Variants in CHN2 observed in about 807,000 individuals in gnomAD.
CHN2 encodes the protein chimerin 2, also known as beta-chimaerin.
In CHN2, 35 loss-of-function variants were observed where a neutral mutation model predicts 56.3. That is an observed-to-expected ratio of 0.62 (90% CI 0.47 to 0.82). CHN2 has a LOEUF of 0.82. Among genes scored for constraint, CHN2 ranks in the 40% least tolerant of loss-of-function variants. The pLI is 0.00. For missense variants in CHN2, 491 were observed against 580.5 expected (o/e 0.85, Z 1.58); for synonymous variants, 210 against 212.8 (o/e 0.99, Z 0.12).
At chr7:29,227,192 C>G (rs948300941) in intron 1 of CHN2, among the ~76,000 whole-genome samples, 9 of 152,336 alleles carry the variant, frequency 5.9e-5, no homozygotes, top group Admixed American at 4.6e-4. Flanking sequence ...GTGCACCCCG[C>G]TGGCAGCAGG....
chr7:29,507,773 C>G (rs1790756693), intron 11 of CHN2, among the ~76,000 whole-genome samples: 1 of 152,142 alleles, frequency 6.6e-6, no homozygotes, highest in Non-Finnish European at 1.5e-5. Flanking sequence ...ATAAAATATA[C>G]TAACATTAAT....
intron 1 of CHN2, among the ~76,000 whole-genome samples, chr7:29,274,140 C>G (rs76349260): frequency 0.019 from 2,942 of 152,254 alleles, 37 homozygotes; most frequent in Middle Eastern, 0.031. Context: ...TACGAACATT[C>G]GGGAAAGCAT....
At position 29,194,800 on chromosome 7, in the gene CHN2, T is replaced by C. The variant is rs1332901496; in HGVS notation, c.-142T>C. On this transcript the variant is annotated 5_prime_UTR_variant, in exon 1 of 13. Transcript: ENST00000222792. ...GGTGGAGCAGGAAGTGCAGGCAGAGTCCGGAGGCTGGTGCTTTCTGCGCGT... is the reference window on the plus strand; with the variant it reads ...GGTGGAGCAGGAAGTGCAGGCAGAGCCCGGAGGCTGGTGCTTTCTGCGCGT... 6 of 622,846 alleles carry C rather than the reference T, an allele frequency of 9.6e-6. No homozygotes were observed. The highest frequency in any genetic ancestry group is 2.4e-6 in the Non-Finnish European group (1 of 413,856). The allele number at this position is 622,846 out of a possible 1,614,324, so 38.6% of individuals were successfully genotyped here. A position where few individuals can be genotyped will look rare whatever the true frequency, so the allele number is the denominator to read the frequency against.
intron 6 of CHN2, among the ~76,000 whole-genome samples, chr7:29,407,706 A>G (rs1406793762): frequency 6.6e-6 from 1 of 152,210 alleles, no homozygotes; most frequent in Non-Finnish European, 1.5e-5. Context: ...GGGGTGGGAT[A>G]GGATGCAGTG....
At chr7:29,337,661 A>G (rs1434369426) in intron 1 of CHN2, among the ~76,000 whole-genome samples, 3 of 152,306 alleles carry the variant, frequency 2.0e-5, no homozygotes, top group Admixed American at 6.5e-5. Context: ...CATTTGTTCA[A>G]GCATTTGGCA....
At chr7:29,309,990 C>G (rs1474156831) in intron 1 of CHN2, among the ~76,000 whole-genome samples, 1 of 152,230 alleles carries the variant, frequency 6.6e-6, no homozygotes, top group Non-Finnish European at 1.5e-5. Context: ...CCTCTCCCAC[C>G]TTGTTCTGTC....
chr7:29,170,756 T>C (rs192253122), intron 2 of CHN2, among the ~76,000 whole-genome samples: 2 of 152,332 alleles, frequency 1.3e-5, no homozygotes, highest in Admixed American at 6.5e-5. Flanking sequence ...AGAGGTTTAA[T>C]TGGACTTATA....
At chr7:29,263,735 G>C (rs995919074) in intron 1 of CHN2, among the ~76,000 whole-genome samples, 2 of 151,486 alleles carry the variant, frequency 1.3e-5, no homozygotes, top group African/African-American at 4.8e-5. Flanking sequence ...TCTGGGATGT[G>C]GGGAGCGCCT....
intron 3 of CHN2, among the ~76,000 whole-genome samples, chr7:29,392,647 C>T (rs757880908): frequency 3.9e-5 from 6 of 152,172 alleles, no homozygotes; most frequent in Non-Finnish European, 7.3e-5. Context: ...TCCCCTAGCT[C>T]CTAGTGTCCT....
At chr7:29,359,723 C>G (rs932062838) in intron 2 of CHN2, among the ~76,000 whole-genome samples, 1 of 152,302 alleles carries the variant, frequency 6.6e-6, no homozygotes, top group Admixed American at 6.5e-5. Context: ...AAAAGAAGAG[C>G]TACTTTCAAG....
intron 6 of CHN2, among the ~76,000 whole-genome samples, chr7:29,474,594 C>G (rs12155094): frequency 0.079 from 12,088 of 152,180 alleles, 634 homozygotes; most frequent in Middle Eastern, 0.12. Context: ...GCAGAGAAGG[C>G]TGCAACAGCA....
chr7:29,165,456 T>C (rs1490018383), intron 2 of CHN2, among the ~76,000 whole-genome samples: 2 of 152,224 alleles, frequency 1.3e-5, no homozygotes, highest in Non-Finnish European at 2.9e-5. Context: ...TTAAATCACC[T>C]ATACTGGTTC....
chr7:29,458,521 A>G (rs1159293283), intron 6 of CHN2, among the ~76,000 whole-genome samples: 3 of 152,100 alleles, frequency 2.0e-5, no homozygotes, highest in East Asian at 3.9e-4. Context: ...CCTGCCCCCA[A>G]CTTTTTACTT....
intron 1 of CHN2, among the ~76,000 whole-genome samples, chr7:29,217,312 A>C (rs1038942096): frequency 6.6e-6 from 1 of 152,228 alleles, no homozygotes; most frequent in African/African-American, 2.4e-5. Context: ...AAGACTCAGC[A>C]TGTTTTTAAC....
intron 2 of CHN2, among the ~76,000 whole-genome samples, chr7:29,150,724 T>C (rs1793470706): frequency 6.6e-6 from 1 of 152,198 alleles, no homozygotes; most frequent in Non-Finnish European, 1.5e-5. Context: ...TGTCTAGGTC[T>C]CTCCCTGCAC....
At chr7:29,385,507 CA>C in intron 3 of CHN2, among the ~76,000 whole-genome samples, 1 of 152,092 alleles carries the variant, frequency 6.6e-6, no homozygotes. Context: ...TGTCATGAGG[CA>C]AAAAATAAGC....
At chr7:29,481,251 T>C (rs3812323) in intron 7 of CHN2, among the ~76,000 whole-genome samples, 39,811 of 152,086 alleles carry the variant, frequency 0.26, 5,785 homozygotes, top group East Asian at 0.41. Flanking sequence ...AAGAAAACAA[T>C]AGGCAGGAGA....
chr7:29,238,656 A>G (rs954886741), intron 1 of CHN2, among the ~76,000 whole-genome samples: 8 of 152,204 alleles, frequency 5.3e-5, no homozygotes, highest in Non-Finnish European at 1.0e-4. Context: ...AATGGGGCAA[A>G]TATGAGGATA....
intron 6 of CHN2, among the ~76,000 whole-genome samples, chr7:29,469,433 A>C (rs1218427359): frequency 6.6e-6 from 1 of 152,206 alleles, no homozygotes. Context: ...ACTCAGAGTG[A>C]AAGTGGGAGT....
Sources: allele counts gnomAD v4.1 joint callset (sites outside exome capture counted in the v4.1 genomes callset), GRCh38; gene constraint gnomAD v4.1.1; transcripts MANE v1.5; gene names NCBI Gene and HGNC (gene_info 2026-07-23, HGNC 2026-07-21).